Variants in ADAMTS2 observed in about 807,000 individuals in gnomAD.
ADAMTS2 encodes the protein A disintegrin and metalloproteinase with thrombospondin motifs 2.
In ADAMTS2, 50 loss-of-function variants were observed where a neutral mutation model predicts 123.0. The observed-to-expected ratio is 0.41, with a 90% CI of 0.32 to 0.51. The LOEUF (loss-of-function observed/expected upper bound fraction) is 0.51. ADAMTS2 is among the 20% of genes least tolerant of loss of function. The pLI is 0.35. For synonymous variants in ADAMTS2, 678 were observed against 695.4 expected, an observed-to-expected ratio of 0.98 and a Z score of 0.39; for missense variants, 1,494 against 1,705.2, an observed-to-expected ratio of 0.88 and a Z score of 2.18.
At chr5:179,116,260 A>ACCCCCCCCCCCCCCCCCCCCCCCCC (rs146306326) in intron 21 of ADAMTS2, among the ~76,000 whole-genome samples, 20 of 93,770 alleles carry the variant, frequency 2.1e-4, no homozygotes, top group Admixed American at 4.6e-4. Flanking sequence ...TGACCACGGC[A>ACCCCCCCCCCCCCCCCCCCCCCCCC]CCCCCCCCCC....
At chr5:179,326,102 C>T (rs985329714) in intron 2 of ADAMTS2, among the ~76,000 whole-genome samples, 5 of 152,206 alleles carry the variant, frequency 3.3e-5, no homozygotes, top group African/African-American at 4.8e-5. Flanking sequence ...CTGCCCGCCA[C>T]GAGACTCTTC....
intron 2 of ADAMTS2, among the ~76,000 whole-genome samples, chr5:179,315,895 C>T (rs758787137): frequency 4.6e-5 from 7 of 152,142 alleles, no homozygotes; most frequent in East Asian, 1.9e-4. Flanking sequence ...AGAAAAGCTG[C>T]GAGACGTGGG....
Position 179,313,893 on chromosome 5 carries a change from CAT to C in ADAMTS2, c.534+29872_534+29873del, listed in dbSNP as rs1415824876. 1.4e-3 allele frequency among the ~76,000 whole-genome samples: 103 copies of C among 74,642 alleles called. 12 individuals are homozygous for C. Among genetic ancestry groups the C allele is most frequent in the East Asian group, 3.7e-3 (8 of 2,166 alleles). The allele number at this position is 74,642 out of a possible 152,430, so 49.0% of individuals were successfully genotyped here. On this transcript the variant is annotated intron_variant, in intron 2 of 21. Coordinates refer to ENST00000251582, the MANE Select transcript of ADAMTS2 (RefSeq NM_014244.5). Reference sequence around the variant, plus strand: ...TCACACTCGTGCACACACACACTCACATCGAGACAGAGGAGGGCCTGGCCGGA... The same window carrying C: ...TCACACTCGTGCACACACACACTCACCGAGACAGAGGAGGGCCTGGCCGGA...
chr5:179,218,707 T>G (rs1478085462), intron 3 of ADAMTS2, among the ~76,000 whole-genome samples: 1 of 152,178 alleles, frequency 6.6e-6, no homozygotes, highest in Non-Finnish European at 1.5e-5. Context: ...GTGCCGAATC[T>G]CAGGGGCAGT....
In ADAMTS2 at chr5:179,308,831, C is replaced by T. The variant is rs2113571594; in HGVS notation, c.534+34936G>A. On this transcript the variant is annotated intron_variant, in intron 2 of 21. Transcript: ENST00000251582. This position sits in a 1 kb window ranked among gnomAD's most constrained non-coding sequence, Gnocchi z 6.6. ...CCACCCCAGGGGCCCTGGGATGCAG[C>T]TAGGCCAGCTGGGAGCCAGACAGCC... 6.6e-6 allele frequency among the ~76,000 whole-genome samples: 1 copy of T among 152,288 alleles called. No individual in the cohort carries two copies.
intron 6 of ADAMTS2, among the ~76,000 whole-genome samples, chr5:179,157,899 C>T (rs1286367663): frequency 6.6e-6 from 1 of 152,086 alleles, no homozygotes; most frequent in Non-Finnish European, 1.5e-5. Flanking sequence ...CTTTAATGCA[C>T]AAACTTTTGA....
At chr5:179,257,181 G>A (rs1766079937) in intron 3 of ADAMTS2, among the ~76,000 whole-genome samples, 1 of 152,346 alleles carries the variant, frequency 6.6e-6, no homozygotes, top group South Asian at 2.1e-4. Flanking sequence ...CCAGTTCAAG[G>A]CCTCGGGACA....
chr5:179,212,223 G>C (rs1764871077), intron 3 of ADAMTS2, among the ~76,000 whole-genome samples: 1 of 151,888 alleles, frequency 6.6e-6, no homozygotes, highest in South Asian at 2.1e-4. Flanking sequence ...TCTGTGGGCA[G>C]GTGCAGTGGG....
chr5:179,289,789 C>T (rs576578068), intron 2 of ADAMTS2, among the ~76,000 whole-genome samples: 7 of 152,308 alleles, frequency 4.6e-5, no homozygotes, highest in South Asian at 4.1e-4. Context: ...TGGTGCCCTA[C>T]GGAGGGCACA....
chr5:179,285,870 C>A lies in ADAMTS2; in HGVS notation c.535-12806G>T, dbSNP rs141413443. On this transcript the variant is annotated intron_variant, in intron 2 of 21. Transcript: ENST00000251582. The surrounding 1 kb of genome is among the most constrained non-coding windows in gnomAD (Gnocchi z 4.9). The stretch of plus-strand genomic sequence containing the variant: ...ACCACAGCAGATTGTGGCCTTGAGA[C>A]GTGTGGTGGAGGAGAGCTCATGGAA... Among the ~76,000 whole-genome samples the A allele has an allele frequency of 1.3e-5, 2 of 152,132 alleles. No individual in the cohort carries two copies. Among genetic ancestry groups the A allele is most frequent in the Non-Finnish European group, 2.9e-5 (2 of 68,030 alleles).
Position 179,158,690 on chromosome 5 carries a change from A to G in ADAMTS2, c.1132+33T>C. ...TGGCCAGGGGCTCATTTCCAGCTTC[A>G]CGCCTCTGTGGCCCTGCATGGGTGA... On this transcript the variant is annotated intron_variant, in intron 6 of 21. Coordinates refer to ENST00000251582, the MANE Select transcript of ADAMTS2 (RefSeq NM_014244.5). The surrounding 1 kb of genome is among the most constrained non-coding windows in gnomAD (Gnocchi z 5.0). The G allele has an allele frequency of 3.1e-6, 5 of 1,613,664 alleles. No individual in the cohort carries two copies. Among genetic ancestry groups the G allele is most frequent in the South Asian group, 1.1e-5 (1 of 91,070 alleles).
At chr5:179,137,702 G>GCCCCCCCCCCC in intron 12 of ADAMTS2, 67 bp downstream of exon 12, 1 of 1,510,860 alleles carries the variant, frequency 6.6e-7, no homozygotes. Flanking sequence ...AGAGGCACAA[G>GCCCCCCCCCCC]CCCCCACCCT....
intron 13 of ADAMTS2, among the ~76,000 whole-genome samples, chr5:179,133,498 G>A (rs1763000589): frequency 6.6e-6 from 1 of 151,996 alleles, no homozygotes; most frequent in Non-Finnish European, 1.5e-5. Context: ...TTGAACTCCT[G>A]ACCTCAGGTG....
Position 179,113,380 on chromosome 5 carries a change from T to G in ADAMTS2, c.*487A>C. 5.5e-6 allele frequency: 1 copy of G among 182,416 alleles called. No homozygotes were observed. Among genetic ancestry groups the G allele is most frequent in the Non-Finnish European group, 1.2e-5 (1 of 84,980 alleles). The allele number at this position is 182,416 out of a possible 1,614,324, so 11.3% of individuals were successfully genotyped here. On this transcript the variant is annotated 3_prime_UTR_variant, in exon 22 of 22. Coordinates refer to ENST00000251582, the MANE Select transcript of ADAMTS2 (RefSeq NM_014244.5). The stretch of plus-strand genomic sequence containing the variant: ...TCAGCCGCCTGGCCCTGGAAGACGA[T>G]TTGAGTTCATCACCTCCACTTCATT...
In ADAMTS2 at chr5:179,181,065, C is replaced by A. The variant is rs1459217213; in HGVS notation, c.975+7G>T. The A allele has an allele frequency of 1.2e-6, 2 of 1,612,720 alleles. No individual in the cohort carries two copies. Among genetic ancestry groups the A allele is most frequent in the East Asian group, 2.2e-5 (1 of 44,858 alleles). ...GAGGCAGGCCCGGCTGGCCACAGTG[C>A]ACTCACCTTTCCATAGCTCAGGAGG... is the stretch of plus-strand genomic sequence containing the variant. On this transcript the variant is annotated splice_region_variant and intron_variant, in intron 5 of 21. Transcript: ENST00000251582. The surrounding 1 kb of genome is among the most constrained non-coding windows in gnomAD (Gnocchi z 4.1).
At chr5:179,192,302 G>T (rs1203482734) in intron 4 of ADAMTS2, among the ~76,000 whole-genome samples, 1 of 152,214 alleles carries the variant, frequency 6.6e-6, no homozygotes, top group East Asian at 1.9e-4. Flanking sequence ...TCACGGCAAG[G>T]GTCGTCTGCT....
intron 3 of ADAMTS2, among the ~76,000 whole-genome samples, chr5:179,267,457 C>T (rs914598985): frequency 1.3e-5 from 2 of 152,228 alleles, no homozygotes; most frequent in African/African-American, 4.8e-5. Context: ...GGGGTGGAGG[C>T]AGCCAAGGTC....
At chr5:179,191,716 G>T (rs1764311419) in intron 4 of ADAMTS2, among the ~76,000 whole-genome samples, 1 of 152,150 alleles carries the variant, frequency 6.6e-6, no homozygotes, top group Non-Finnish European at 1.5e-5. Flanking sequence ...CTTAGGGTGA[G>T]ATGCAGATAG....
chr5:179,126,214 G>A (rs1762855404), intron 17 of ADAMTS2, 84 bp from the exon 18 acceptor site: 1 of 1,576,562 alleles, frequency 6.3e-7, no homozygotes, highest in Non-Finnish European at 8.7e-7. Flanking sequence ...CACCAGCAGT[G>A]CTGGCCTCGT....
Sources: allele counts gnomAD v4.1 joint callset (sites outside exome capture counted in the v4.1 genomes callset), GRCh38; gene constraint gnomAD v4.1.1; non-coding constraint Gnocchi (gnomAD v3.1); transcripts MANE v1.5; gene names NCBI Gene and HGNC (gene_info 2026-07-23, HGNC 2026-07-21).